BCO2: variants seen among roughly 807,000 people sequenced by gnomAD.
BCO2 encodes the protein beta-carotene oxygenase 2, also known as carotenoid-cleaving dioxygenase, mitochondrial.
In BCO2, 56 loss-of-function variants were observed where a neutral mutation model predicts 65.8. The observed-to-expected ratio is 0.85, with a 90% CI of 0.69 to 1.06. The LOEUF is 1.06. Ranked by LOEUF, BCO2 falls within the 50% of genes least tolerant of loss-of-function variation. BCO2 has a pLI of 0.00. For synonymous variants in BCO2, 233 were observed against 242.3 expected, an observed-to-expected ratio of 0.96 and a Z score of 0.36; for missense variants, 675 against 698.5, an observed-to-expected ratio of 0.97 and a Z score of 0.38.
intron 8 of BCO2, among the ~76,000 whole-genome samples, chr11:112,211,224 T>G (rs1192646692): frequency 6.6e-6 from 1 of 152,156 alleles, no homozygotes; most frequent in Non-Finnish European, 1.5e-5. Context: ...TGTGTCTGGC[T>G]TATTTCACTT....
At position 112,218,093 on chromosome 11, in the gene BCO2, G is replaced by T. The variant is rs1397310453; in HGVS notation, c.*219G>T. 7 of 417,542 alleles carry T rather than the reference G, an allele frequency of 1.7e-5. No homozygotes were observed. In the East Asian group the frequency reaches 2.2e-4, roughly 13 times the overall value. The allele number at this position is 417,542 out of a possible 1,614,324, so 25.9% of individuals were successfully genotyped here. Reference sequence around the variant, plus strand: ...CACAATATACTCATGTAACAAGCCTGCACATGTACCCCAGAATCTAAAATA... The same window carrying T: ...CACAATATACTCATGTAACAAGCCTTCACATGTACCCCAGAATCTAAAATA... On this transcript the variant is annotated 3_prime_UTR_variant, in exon 12 of 12. Transcript: ENST00000357685.
intron 8 of BCO2, among the ~76,000 whole-genome samples, chr11:112,206,219 G>A (rs1467112863): frequency 2.0e-5 from 3 of 148,026 alleles, no homozygotes; most frequent in Admixed American, 6.8e-5. Context: ...AGGCAGAGGC[G>A]CTCCTCACTT....
Position 112,205,953 on chromosome 11 carries a change from T to A in BCO2, c.1194+3763T>A, listed in dbSNP as rs565519244. Among the ~76,000 whole-genome samples the A allele has an allele frequency of 2.0e-5, 3 of 151,724 alleles. No individual in the cohort carries two copies. The South Asian group carries it at 6.2e-4, about 31-fold the overall frequency. On this transcript the variant is annotated intron_variant, in intron 8 of 11. Transcript: ENST00000357685. Reference sequence around the variant, plus strand: ...CCATTGCCCATTTTTTATTTATTTTTAATTAATTAATTAATTAATTTATTT... The same window carrying A: ...CCATTGCCCATTTTTTATTTATTTTAAATTAATTAATTAATTAATTTATTT...
intron 2 of BCO2, among the ~76,000 whole-genome samples, chr11:112,187,952 G>GA (rs1414807629): frequency 1.9e-4 from 29 of 152,292 alleles, no homozygotes; most frequent in African/African-American, 6.0e-4. Context: ...ATGTATAAGG[G>GA]ATGTAGCAAA....
chr11:112,190,856 C>CAAAAAAA (rs945768260), intron 2 of BCO2, among the ~76,000 whole-genome samples: 1 of 62,280 alleles, frequency 1.6e-5, no homozygotes, highest in East Asian at 5.0e-4. Flanking sequence ...GACTCTGTCT[C>CAAAAAAA]AAAAAAAAAA....
chr11:112,181,617 A>G lies in BCO2; in HGVS notation c.293+2135A>G, dbSNP rs1458188868. 30 of 776,012 alleles carry G rather than the reference A, an allele frequency of 3.9e-5. 1 individual carries two copies. In the South Asian group the frequency reaches 3.9e-4, roughly 10 times the overall value. 48.1% of individuals were successfully genotyped at this position (776,012 alleles called of 1,614,324 possible). On this transcript the variant is annotated intron_variant, in intron 2 of 11. Coordinates refer to ENST00000357685, the MANE Select transcript of BCO2 (RefSeq NM_031938.7). ...AAGCAAGATTTTTTGGTATTGACTC[A>G]TTGAACACCTAAAAGTGGCAATAAA...
At chr11:112,179,636 A>G (rs1866977602) in intron 2 of BCO2, 154 bp downstream of exon 2, 1 of 711,514 alleles carries the variant, frequency 1.4e-6, no homozygotes, top group Non-Finnish European at 2.3e-6. Flanking sequence ...AGAAGAAAGG[A>G]GACTTTTTAA....
intron 2 of BCO2, chr11:112,182,964 A>G (rs1867097271): frequency 1.8e-6 from 2 of 1,105,660 alleles, no homozygotes; most frequent in African/African-American, 3.1e-5. Flanking sequence ...AGGTGTAGAT[A>G]TGGAAGGAAG....
chr11:112,196,043 G>C (rs192950862), intron 5 of BCO2, among the ~76,000 whole-genome samples: 2 of 152,312 alleles, frequency 1.3e-5, no homozygotes, highest in Admixed American at 1.3e-4. Context: ...GCAAAGTTCA[G>C]CTGACAGTAT....
At chr11:112,210,395 G>A (rs543485548) in intron 8 of BCO2, among the ~76,000 whole-genome samples, 13 of 152,262 alleles carry the variant, frequency 8.5e-5, no homozygotes, top group African/African-American at 2.6e-4. Context: ...TTCCTCTAGA[G>A]AAGAATTTCA....
At chr11:112,196,892 CTCCTTCCTT>C (rs1343893235) in intron 5 of BCO2, among the ~76,000 whole-genome samples, 15 of 149,342 alleles carry the variant, frequency 1.0e-4, no homozygotes, top group African/African-American at 1.5e-4. Flanking sequence ...CTTCCTTGTT[CTCCTTCCTT>C]TCCTTCCTTT....
At chr11:112,184,196 C>T (rs1162153892) in intron 2 of BCO2, among the ~76,000 whole-genome samples, 1 of 151,990 alleles carries the variant, frequency 6.6e-6, no homozygotes, top group African/African-American at 2.4e-5. Flanking sequence ...GTTGAGTTGT[C>T]TGCTAAAGGC....
At chr11:112,187,025 T>C (rs146440212) in intron 2 of BCO2, among the ~76,000 whole-genome samples, 10 of 152,280 alleles carry the variant, frequency 6.6e-5, no homozygotes, top group Admixed American at 1.3e-4. Context: ...GGCCACATAC[T>C]AAGGCCACAC....
At chr11:112,201,421 T>C (rs957650967) in intron 7 of BCO2, among the ~76,000 whole-genome samples, 21 of 152,196 alleles carry the variant, frequency 1.4e-4, no homozygotes, top group African/African-American at 5.1e-4. Flanking sequence ...GTGCTGGGAT[T>C]ACAGGCGTGA....
intron 5 of BCO2, among the ~76,000 whole-genome samples, chr11:112,195,915 G>A (rs1239354836): frequency 6.6e-6 from 1 of 152,134 alleles, no homozygotes; most frequent in Non-Finnish European, 1.5e-5. Flanking sequence ...ATGGTCTCTG[G>A]GTGATCTTGG....
intron 8 of BCO2, among the ~76,000 whole-genome samples, chr11:112,210,854 T>C (rs566766598): frequency 1.3e-5 from 2 of 152,200 alleles, no homozygotes; most frequent in South Asian, 4.1e-4. Flanking sequence ...GATATTATAT[T>C]ATAATTATGC....
intron 11 of BCO2, 145 bp downstream of exon 11, chr11:112,216,475 T>C (rs1859682130): frequency 1.7e-6 from 1 of 590,014 alleles, no homozygotes. Context: ...TACCCTTTTA[T>C]CTCAATCCAT....
At chr11:112,194,496 TA>T in intron 4 of BCO2, 156 bp from the exon 5 acceptor site, 1 of 557,506 alleles carries the variant, frequency 1.8e-6, no homozygotes, top group East Asian at 3.3e-5. Flanking sequence ...TTCTTTTTTT[TA>T]GTGGGAAAAA....
chr11:112,209,171 C>G (rs1859435343), intron 8 of BCO2, among the ~76,000 whole-genome samples: 1 of 152,126 alleles, frequency 6.6e-6, no homozygotes, highest in Non-Finnish European at 1.5e-5. Context: ...TTGAAAAATG[C>G]ATAATGTCAT....
Sources: allele counts gnomAD v4.1 joint callset (sites outside exome capture counted in the v4.1 genomes callset), GRCh38; gene constraint gnomAD v4.1.1; transcripts MANE v1.5; gene names NCBI Gene and HGNC (gene_info 2026-07-23, HGNC 2026-07-21).